The following DLG5 variants were observed in gnomAD, a reference collection of about 807,000 sequenced individuals.
The protein encoded by DLG5 is disks large homolog 5.
DLG5 carries 48 observed loss-of-function variants against 189.8 expected under a neutral mutation model. The observed-to-expected ratio is 0.25, with a 90% CI of 0.20 to 0.32. The LOEUF is 0.32. Ranked by LOEUF, DLG5 falls within the 10% of genes least tolerant of loss-of-function variation. The pLI is 1.00. For synonymous variants in DLG5, 1,016 were observed against 1,054.1 expected, an observed-to-expected ratio of 0.96 and a Z score of 0.70; for missense variants, 2,160 against 2,544.7, an observed-to-expected ratio of 0.85 and a Z score of 3.25.
At chr10:77,793,937 A>G in intron 31 of DLG5, 71 bp downstream of exon 31, 1 of 1,431,890 alleles carries the variant, frequency 7.0e-7, no homozygotes, top group Non-Finnish European at 9.8e-7. Flanking sequence ...CACGGCTAAG[A>G]AAACAGCCTT....
chr10:77,898,166 C>T (rs1313670449), intron 1 of DLG5, among the ~76,000 whole-genome samples: 1 of 152,216 alleles, frequency 6.6e-6, no homozygotes, highest in Non-Finnish European at 1.5e-5. Context: ...GCACATGGCT[C>T]ACTTGGCCAC....
rs763293996 is a variant in DLG5, at chr10:77,841,885, C to T, written c.1433G>A (p.Arg478Gln). Residue 478 changes from arginine (R) to glutamine (Q), a missense_variant, in exon 7 of 32, where the codon CGG (arginine) becomes CAG (glutamine). Arg to Gln is a conservative substitution (Grantham distance 43, BLOSUM62 1). This residue lies in a region of DLG5 where 664 missense variants were observed against 838.5 expected (regional missense o/e 0.79). Transcript: ENST00000372391. ...KAANEEMEAL[R>Q]QIKDTVTMDA... ...GCCACCGGCCCACCCACCTACCTGC[C>T]GCAGCGCCTCCATCTCCTCATTGGC... 7 of 1,605,718 alleles carry T rather than the reference C, an allele frequency of 4.4e-6. No individual in the cohort carries two copies. The highest frequency in any genetic ancestry group is 5.1e-6 in the Non-Finnish European group (6 of 1,174,216).
upstream of DLG5, chr10:77,927,966 A>G (rs1035883634): frequency 3.9e-5 from 6 of 152,178 alleles, no homozygotes; most frequent in African/African-American, 1.2e-4. Flanking sequence ...CACTTTGTCT[A>G]CCCACACTGC....
Position 77,792,494 on chromosome 10 carries a change from T to G in DLG5, c.5706A>C (p.Ala1902=). 6.2e-7 allele frequency: 1 copy of G among 1,614,188 alleles called. No individual in the cohort carries two copies. The highest frequency in any genetic ancestry group is 8.5e-7 in the Non-Finnish European group (1 of 1,180,030). Residue 1902 remains alanine (A), a synonymous_variant, in exon 32 of 32, where the codon GCA becomes GCC. Coordinates refer to ENST00000372391, the MANE Select transcript of DLG5 (RefSeq NM_004747.4). ...CTTTATTTTGTTCTTGATTGACCAT[T>G]GCCAAGATCTGAGTGCAAATGCTTG... ...ALSSICTQIL[A]MVNQEQNKVL...
chr10:77,900,465 A>T (rs1188017145), intron 1 of DLG5, among the ~76,000 whole-genome samples: 1 of 152,162 alleles, frequency 6.6e-6, no homozygotes, highest in Non-Finnish European at 1.5e-5. Flanking sequence ...CTCCTTCAGG[A>T]GACAGACCTT....
the DLG5 span, among the ~76,000 whole-genome samples, chr10:77,934,736 G>A: frequency 2.0e-5 from 3 of 152,188 alleles, no homozygotes; most frequent in East Asian, 1.9e-4. Context: ...AGATCCCAGC[G>A]GCTACCACCT....
intron 2 of DLG5, among the ~76,000 whole-genome samples, chr10:77,861,365 C>T (rs1453316230): frequency 1.3e-5 from 2 of 152,208 alleles, no homozygotes; most frequent in African/African-American, 4.8e-5. Flanking sequence ...GGCCCAGTAA[C>T]CTGCCTTTGG....
In DLG5 at chr10:77,809,570, C is replaced by A; in HGVS notation, c.4624G>T (p.Val1542Leu). Reference sequence around the variant, plus strand: ...ACCTCCAGGATGAGGTCCCCTGGCACGAGGCCGTCAGGACCCTTGGCAGGA... The same window carrying A: ...ACCTCCAGGATGAGGTCCCCTGGCAAGAGGCCGTCAGGACCCTTGGCAGGA... The part of the protein sequence containing the change: ...DSPAKGPDGL[V>L]PGDLILEYGS... Residue 1542 changes from valine (V) to leucine (L), a missense_variant, in exon 24 of 32, where the codon GTG becomes TTG. Val to Leu is a conservative substitution (Grantham distance 32). Around this residue, in one of 5 missense-constraint regions of DLG5, gnomAD observed 574 missense variants for 644.2 expected, o/e 0.89. Coordinates refer to ENST00000372391, the MANE Select transcript of DLG5 (RefSeq NM_004747.4). 6.2e-7 allele frequency: 1 copy of A among 1,613,726 alleles called. No homozygotes were observed. The highest frequency in any genetic ancestry group is 1.1e-5 in the South Asian group (1 of 90,992).
intron 20 of DLG5, among the ~76,000 whole-genome samples, chr10:77,813,533 C>T (rs1271217036): frequency 6.6e-6 from 1 of 152,156 alleles, no homozygotes; most frequent in African/African-American, 2.4e-5. Context: ...CAGACAGATC[C>T]ACCCCAGACT....
intron 1 of DLG5, among the ~76,000 whole-genome samples, chr10:77,882,489 C>A (rs900337032): frequency 6.6e-6 from 1 of 152,186 alleles, no homozygotes; most frequent in African/African-American, 2.4e-5. Flanking sequence ...CTTTCCCAGT[C>A]TTCCTTCATG....
chr10:77,824,275 C>T (rs550092229), intron 14 of DLG5, 109 bp downstream of exon 14: 6 of 807,312 alleles, frequency 7.4e-6, no homozygotes, highest in African/African-American at 3.4e-5. Flanking sequence ...CAGTAAATGC[C>T]CACCCTGTTC....
intron 7 of DLG5, among the ~76,000 whole-genome samples, chr10:77,840,850 G>C (rs1843383411): frequency 6.6e-6 from 1 of 152,126 alleles, no homozygotes; most frequent in East Asian, 1.9e-4. Flanking sequence ...GCCTGACGAG[G>C]AGTTGCTGTC....
chr10:77,803,038 T>C (rs1841295450), intron 27 of DLG5, among the ~76,000 whole-genome samples: 1 of 152,210 alleles, frequency 6.6e-6, no homozygotes, highest in Non-Finnish European at 1.5e-5. Flanking sequence ...AAGTCAAAGG[T>C]GCACACTGTG....
chr10:77,840,667 C>T (rs910873897), intron 7 of DLG5, among the ~76,000 whole-genome samples: 22 of 151,810 alleles, frequency 1.4e-4, no homozygotes, highest in African/African-American at 4.3e-4. Flanking sequence ...TGCAGTGAGC[C>T]GAGATTGCGC....
chr10:77,911,578 T>C (rs1255081278), intron 1 of DLG5, among the ~76,000 whole-genome samples: 1 of 152,158 alleles, frequency 6.6e-6, no homozygotes, highest in African/African-American at 2.4e-5. Context: ...CAGATTTAAT[T>C]TGGGGACTCA....
At chr10:77,816,300 G>A (rs536626556) in intron 20 of DLG5, 9 of 698,110 alleles carry the variant, frequency 1.3e-5, no homozygotes, top group South Asian at 7.5e-5. Context: ...ATGATGGCAC[G>A]ATCACCGTCA....
intron 1 of DLG5, among the ~76,000 whole-genome samples, chr10:77,879,394 C>T (rs1845205668): frequency 6.6e-6 from 1 of 152,130 alleles, no homozygotes; most frequent in South Asian, 2.1e-4. Context: ...GGATGCAGGG[C>T]TTTATTCAGA....
At chr10:77,808,172 C>T (rs970588859) in intron 24 of DLG5, among the ~76,000 whole-genome samples, 1 of 152,208 alleles carries the variant, frequency 6.6e-6, no homozygotes, top group African/African-American at 2.4e-5. Flanking sequence ...GCTGCCCTGC[C>T]CTTGACAGCT....
chr10:77,809,683 A>T lies in DLG5; in HGVS notation c.4511T>A (p.Phe1504Tyr). The change falls in exon 24 of 32, where the codon TTC becomes TAC. Residue 1504 changes from phenylalanine to tyrosine, a missense_variant. Phe to Tyr is a conservative substitution (Grantham distance 22). Around this residue, in one of 5 missense-constraint regions of DLG5, gnomAD observed 574 missense variants for 644.2 expected, o/e 0.89. Transcript: ENST00000372391. Reference sequence around the variant, plus strand: ...AAGCTCCAGCTGGGACTTTTTGATGAAGACAACGCGTGGCTCCAGGGTCTT... The same window carrying T: ...AAGCTCCAGCTGGGACTTTTTGATGTAGACAACGCGTGGCTCCAGGGTCTT... ...NKKTLEPRVV[F>Y]IKKSQLELGV... is the part of the protein sequence containing the mutation. The T allele has an allele frequency of 6.2e-7, 1 of 1,614,132 alleles. No individual in the cohort carries two copies. Among genetic ancestry groups the T allele is most frequent in the Non-Finnish European group, 8.5e-7 (1 of 1,180,006 alleles).
Sources: gnomAD v4.1 joint callset for allele counts (sites outside exome capture counted in the v4.1 genomes callset) on GRCh38, gnomAD v4.1.1 for gene constraint, gnomAD v4.1.1 regional missense constraint, MANE v1.5 for transcripts, NCBI Gene and HGNC (gene_info 2026-07-23, HGNC 2026-07-21) for gene names.